Variants in PCGF6 observed in about 807,000 individuals in gnomAD.
PCGF6 encodes the protein polycomb group RING finger protein 6.
Under a neutral mutation model 45.5 loss-of-function variants are expected in PCGF6, and 24 were observed. The ratio of observed to expected loss-of-function variants is 0.53; its 90% CI spans 0.38 to 0.74. PCGF6 has a LOEUF of 0.74. Ranked by LOEUF, PCGF6 falls within the 30% of genes least tolerant of loss-of-function variation. PCGF6 has a pLI of 0.00. For missense variants in PCGF6, 356 were observed against 443.2 expected (o/e 0.80, Z 1.77); for synonymous variants, 152 against 162.1 (o/e 0.94, Z 0.47).
Position 103,303,563 on chromosome 10 carries a change from A to T in PCGF6, c.*342T>A, listed in dbSNP as rs1328312070. 2 of 187,250 alleles carry T rather than the reference A, an allele frequency of 1.1e-5. No homozygotes were observed. Among genetic ancestry groups the T allele is most frequent in the African/African-American group, 4.7e-5 (2 of 42,558 alleles). 11.6% of individuals were successfully genotyped at this position (187,250 alleles called of 1,614,324 possible). A position where few individuals can be genotyped will look rare whatever the true frequency, so the allele number is the denominator to read the frequency against. On this transcript the variant is annotated 3_prime_UTR_variant, in exon 10 of 10. Coordinates refer to ENST00000369847, the MANE Select transcript of PCGF6 (RefSeq NM_001011663.2). ...GCCATCCCAGAGAGCAGATATCCCA[A>T]CCACCAACTTGAAATGGCTGAACAA...
intron 8 of PCGF6, among the ~76,000 whole-genome samples, chr10:103,319,107 A>G (rs915879395): frequency 6.6e-6 from 1 of 152,200 alleles, no homozygotes; most frequent in African/African-American, 2.4e-5. Context: ...AGATTTTTCA[A>G]TCAGTGTGCT....
At chr10:103,330,604 T>C (rs1452466931) in intron 7 of PCGF6, among the ~76,000 whole-genome samples, 1 of 152,182 alleles carries the variant, frequency 6.6e-6, no homozygotes, top group Non-Finnish European at 1.5e-5. Flanking sequence ...CCATCACTGC[T>C]ATGTAATTTC....
intron 9 of PCGF6, among the ~76,000 whole-genome samples, chr10:103,305,277 C>CT (rs879815666): frequency 5.8e-4 from 84 of 145,068 alleles, no homozygotes; most frequent in South Asian, 1.1e-3. Flanking sequence ...CCAGCCCAGA[C>CT]TTTTTTTTTT....
At chr10:103,324,415 T>C (rs1289048540) in intron 8 of PCGF6, among the ~76,000 whole-genome samples, 1 of 151,872 alleles carries the variant, frequency 6.6e-6, no homozygotes, top group African/African-American at 2.4e-5. Context: ...TATATTTTAC[T>C]TTTATGTTCA....
Position 103,324,709 on chromosome 10 carries a change from G to A in PCGF6, c.909+1825C>T, listed in dbSNP as rs183077654. Among the ~76,000 whole-genome samples the A allele has an allele frequency of 3.4e-4, 51 of 149,094 alleles. 1 individual carries two copies. In the East Asian group the frequency reaches 9.5e-3, roughly 28 times the overall value. On this transcript the variant is annotated intron_variant, in intron 8 of 9. Coordinates refer to ENST00000369847, the MANE Select transcript of PCGF6 (RefSeq NM_001011663.2). ...CGGGAGGCGGAGGTTGCAGTGAGCC[G>A]GGACCGCCCCACTGCACTCCAGCCT...
chr10:103,318,771 A>G (rs1454947133), intron 8 of PCGF6, among the ~76,000 whole-genome samples: 4 of 152,004 alleles, frequency 2.6e-5, no homozygotes, highest in African/African-American at 7.2e-5. Context: ...AGAAAAAAAA[A>G]GTTGGTTTTG....
At chr10:103,339,753 C>T (rs188139941) in intron 6 of PCGF6, among the ~76,000 whole-genome samples, 20 of 149,674 alleles carry the variant, frequency 1.3e-4, no homozygotes, top group African/African-American at 4.7e-4. Flanking sequence ...GCCAAGATCG[C>T]GCCACTGCCC....
intron 8 of PCGF6, among the ~76,000 whole-genome samples, chr10:103,322,799 G>C (rs79099624): frequency 2.6e-5 from 4 of 151,732 alleles, no homozygotes; most frequent in African/African-American, 9.7e-5. Flanking sequence ...ACTCCAGCAT[G>C]GGTGACAGAG....
intron 7 of PCGF6, among the ~76,000 whole-genome samples, chr10:103,329,071 GCT>G (rs568434751): frequency 6.5e-4 from 99 of 151,162 alleles, no homozygotes; most frequent in African/African-American, 2.3e-3. Context: ...ATGGAGTCTC[GCT>G]CTGTCACCCA....
chr10:103,337,034 T>TA (rs2093259773), intron 6 of PCGF6, among the ~76,000 whole-genome samples: 1 of 152,210 alleles, frequency 6.6e-6, no homozygotes, highest in South Asian at 2.1e-4. Context: ...TTGAGGGACT[T>TA]ACCATTGCTT....
chr10:103,344,244 GA>G (rs201738694), intron 6 of PCGF6, among the ~76,000 whole-genome samples: 65 of 143,804 alleles, frequency 4.5e-4, no homozygotes, highest in Admixed American at 3.1e-3. Flanking sequence ...GCAACCACAT[GA>G]AAAAAAAAGG....
chr10:103,345,631 C>A (rs1334134010), intron 5 of PCGF6, among the ~76,000 whole-genome samples: 1 of 151,752 alleles, frequency 6.6e-6, no homozygotes, highest in East Asian at 1.9e-4. Context: ...AGTTCGAGAC[C>A]AGCCTGGCCA....
chr10:103,340,196 A>ATATATAT (rs1397610873), intron 6 of PCGF6, among the ~76,000 whole-genome samples: 13 of 99,964 alleles, frequency 1.3e-4, no homozygotes, highest in African/African-American at 4.8e-4. Context: ...AAAAAAAAAA[A>ATATATAT]AAATATATAT....
intron 6 of PCGF6, among the ~76,000 whole-genome samples, chr10:103,340,572 G>T (rs533160258): frequency 1.3e-5 from 2 of 152,040 alleles, no homozygotes; most frequent in South Asian, 4.2e-4. Flanking sequence ...GCTGTGATTA[G>T]TGGAAAGTGT....
intron 9 of PCGF6, among the ~76,000 whole-genome samples, chr10:103,313,031 T>C (rs2093163040): frequency 6.6e-6 from 1 of 152,234 alleles, no homozygotes; most frequent in African/African-American, 2.4e-5. Flanking sequence ...TACATTAGAA[T>C]ATGTGGTCCT....
Position 103,345,051 on chromosome 10 carries a change from T to C in PCGF6, c.755A>G (p.Asp252Gly), listed in dbSNP as rs1386769504. 3 of 1,610,484 alleles carry C rather than the reference T, an allele frequency of 1.9e-6. No homozygotes were observed. Among genetic ancestry groups the C allele is most frequent in the East Asian group, 4.5e-5 (2 of 44,786 alleles). ...ESVFRIPPELDMSLLLEFIGA... is the reference protein window; with the variant it reads ...ESVFRIPPELGMSLLLEFIGA... ...AATGAACTCCAGTAATAAAGACATA[T>C]CAAGTTCAGGTGGAATACGAAACAC... Residue 252 changes from aspartate (D) to glycine (G), a missense_variant, in exon 6 of 10, where the codon GAT (aspartate) becomes GGT (glycine). By Grantham distance (94) the Asp-to-Gly change is moderately conservative. Around this residue, in one of 2 missense-constraint regions of PCGF6, gnomAD observed 307 missense variants for 350.1 expected, o/e 0.88. Transcript: ENST00000369847.
chr10:103,328,210 G>A (rs1321053452), intron 7 of PCGF6, among the ~76,000 whole-genome samples: 1 of 152,054 alleles, frequency 6.6e-6, no homozygotes, highest in Non-Finnish European at 1.5e-5. Flanking sequence ...AGCACAAAGT[G>A]TTTTTTTAGG....
chr10:103,322,487 C>A (rs891607985), intron 8 of PCGF6, among the ~76,000 whole-genome samples: 3 of 151,666 alleles, frequency 2.0e-5, no homozygotes, highest in Non-Finnish European at 4.4e-5. Flanking sequence ...ATTACAGGTG[C>A]AAGCCACCAC....
At chr10:103,316,342 T>C (rs2093176242) in intron 8 of PCGF6, among the ~76,000 whole-genome samples, 1 of 152,192 alleles carries the variant, frequency 6.6e-6, no homozygotes, top group Admixed American at 6.6e-5. Context: ...TGTTAAACTC[T>C]AAAAACTTTT....
Sources: allele counts gnomAD v4.1 joint callset (sites outside exome capture counted in the v4.1 genomes callset), GRCh38; gene constraint gnomAD v4.1.1; regional missense constraint gnomAD v4.1.1; transcripts MANE v1.5; gene names NCBI Gene and HGNC (gene_info 2026-07-23, HGNC 2026-07-21).